Variants in GATB observed in about 807,000 individuals in gnomAD.
The protein encoded by GATB is glutamyl-tRNA(Gln) amidotransferase subunit B, mitochondrial.
A neutral mutation model predicts 62.3 loss-of-function variants in GATB; 39 were observed. The observed-to-expected ratio is 0.63, with a 90% CI of 0.48 to 0.82. The LOEUF is 0.82. Ranked by LOEUF, GATB falls within the 40% of genes least tolerant of loss-of-function variation. GATB has a pLI of 0.00. For missense variants in GATB, 670 were observed against 684.0 expected, an observed-to-expected ratio of 0.98 and a Z score of 0.23; for synonymous variants, 276 against 258.9, an observed-to-expected ratio of 1.07 and a Z score of -0.63.
intron 2 of GATB, 126 bp from the exon 3 acceptor site, chr4:151,719,664 G>A: frequency 1.8e-6 from 1 of 563,482 alleles, no homozygotes; most frequent in Non-Finnish European, 3.0e-6. Context: ...GGTTCTCTGG[G>A]TGGGCAGCTC....
Position 151,688,763 on chromosome 4 carries a change from T to C in GATB, c.1198A>G (p.Asn400Asp), listed in dbSNP as rs200981641. ...MLLEHSFTLLNEVGLLEFFQN... is the reference protein window; with the variant it reads ...MLLEHSFTLLDEVGLLEFFQN... ...AAGAACTCCAGTAGGCCGACTTCGT[T>C]CTGTTAAAAAAAAAAAAAGAAAATT... The change falls in exon 10 of 13, where the codon AAC (asparagine) becomes GAC (aspartate). Residue 400 changes from asparagine to aspartate, a missense_variant and splice_region_variant. By Grantham distance (23) the Asn-to-Asp change is conservative. Coordinates refer to ENST00000263985, the MANE Select transcript of GATB (RefSeq NM_004564.3). The C allele has an allele frequency of 4.8e-5, 74 of 1,527,646 alleles. No individual in the cohort carries two copies. The highest frequency in any genetic ancestry group is 1.2e-5 in the South Asian group (1 of 82,376). 94.6% of individuals were successfully genotyped at this position (1,527,646 alleles called of 1,614,324 possible).
chr4:151,732,042 CCGGG>C (rs1437227032), intron 2 of GATB, among the ~76,000 whole-genome samples: 12 of 108,918 alleles, frequency 1.1e-4, no homozygotes, highest in African/African-American at 6.1e-4. Flanking sequence ...GCCGCCCCGT[CCGGG>C]AGGGAGGTGG....
chr4:151,724,137 A>C (rs544610426), intron 2 of GATB: 1 of 152,340 alleles, frequency 6.6e-6, no homozygotes, highest in South Asian at 2.1e-4. Context: ...TTTAACATTT[A>C]TTTAGCTAAA....
intron 2 of GATB, among the ~76,000 whole-genome samples, chr4:151,748,988 T>A (rs1739659657): frequency 6.6e-6 from 1 of 152,118 alleles, no homozygotes; most frequent in Admixed American, 6.5e-5. Context: ...AGAATGGCGA[T>A]CATTAAAAAG....
chr4:151,756,896 A>G (rs866025726), intron 2 of GATB, among the ~76,000 whole-genome samples: 29 of 152,354 alleles, frequency 1.9e-4, no homozygotes, highest in East Asian at 7.7e-4. Context: ...GTGAACTGTA[A>G]TAAGTATGGC....
chr4:151,690,135 A>G (rs972679523), intron 9 of GATB, among the ~76,000 whole-genome samples: 10 of 152,214 alleles, frequency 6.6e-5, no homozygotes, highest in Non-Finnish European at 8.8e-5. Context: ...AAAAAATGAG[A>G]TACTGGAAAG....
intron 2 of GATB, among the ~76,000 whole-genome samples, chr4:151,751,243 C>A (rs899146361): frequency 6.6e-6 from 1 of 152,174 alleles, no homozygotes; most frequent in Non-Finnish European, 1.5e-5. Flanking sequence ...ACTTCACCAG[C>A]AGAAGGCTGA....
chr4:151,675,374 C>T (rs57556564), intron 11 of GATB: 16,832 of 152,510 alleles, frequency 0.11, 978 homozygotes, highest in African/African-American at 0.13. Flanking sequence ...ACAGTCGAGG[C>T]CCCCAGTCCC....
At chr4:151,677,201 TGGAC>T (rs1394039244) in intron 11 of GATB, 1 of 152,248 alleles carries the variant, frequency 6.6e-6, no homozygotes, top group African/African-American at 2.4e-5. Context: ...AAGCCATGCT[TGGAC>T]TCTTCTATTA....
At chr4:151,738,002 C>G (rs764472282) in intron 2 of GATB, among the ~76,000 whole-genome samples, 6 of 152,124 alleles carry the variant, frequency 3.9e-5, no homozygotes, top group Non-Finnish European at 5.9e-5. Context: ...AATGTGGAGT[C>G]AGAGCCCCCA....
intron 2 of GATB, among the ~76,000 whole-genome samples, chr4:151,752,367 A>G (rs1739737815): frequency 6.6e-6 from 1 of 152,114 alleles, no homozygotes; most frequent in Admixed American, 6.6e-5. Context: ...AAATTAATCC[A>G]CGTGTTTTGT....
chr4:151,707,721 C>A (rs1451522390), intron 6 of GATB, among the ~76,000 whole-genome samples: 5 of 152,154 alleles, frequency 3.3e-5, no homozygotes, highest in Non-Finnish European at 7.3e-5. Flanking sequence ...TAGGCAAGTG[C>A]ATGAAGAAAG....
At chr4:151,701,299 G>GGAT in intron 9 of GATB, 30 bp downstream of exon 9, 2 of 1,480,406 alleles carry the variant, frequency 1.4e-6, no homozygotes, top group Non-Finnish European at 1.8e-6. Flanking sequence ...TGCTGAGCCG[G>GGAT]GATCCTCTTG....
chr4:151,734,798 C>A (rs1036531783), intron 2 of GATB, among the ~76,000 whole-genome samples: 3 of 152,164 alleles, frequency 2.0e-5, no homozygotes, highest in Non-Finnish European at 4.4e-5. Flanking sequence ...GTCAACTGAT[C>A]TTCAACAAAG....
chr4:151,748,382 G>A (rs190889443), intron 2 of GATB, among the ~76,000 whole-genome samples: 1 of 152,274 alleles, frequency 6.6e-6, no homozygotes, highest in East Asian at 1.9e-4. Flanking sequence ...TCTGATCTTT[G>A]ACAAAACTGA....
intron 5 of GATB, among the ~76,000 whole-genome samples, chr4:151,711,246 C>G (rs1046394215): frequency 6.6e-6 from 1 of 152,196 alleles, no homozygotes; most frequent in East Asian, 1.9e-4. Context: ...ATCGGAAATC[C>G]ACTTCCCACA....
At chr4:151,707,761 T>C (rs1389932679) in intron 6 of GATB, among the ~76,000 whole-genome samples, 2 of 152,148 alleles carry the variant, frequency 1.3e-5, no homozygotes, top group Non-Finnish European at 2.9e-5. Flanking sequence ...CCAGCAGACA[T>C]CAGCATCAAG....
intron 2 of GATB, among the ~76,000 whole-genome samples, chr4:151,737,158 G>T (rs1175856608): frequency 6.6e-6 from 1 of 152,198 alleles, no homozygotes; most frequent in African/African-American, 2.4e-5. Flanking sequence ...AGAAAGTTTG[G>T]AACTTCTTAG....
chr4:151,758,666 G>GT (rs1739884262), intron 2 of GATB, 106 bp downstream of exon 2: 1 of 978,168 alleles, frequency 1.0e-6, no homozygotes, highest in African/African-American at 1.7e-5. Context: ...CCCTAAATAA[G>GT]TATTTCCAAA....
Sources: gnomAD v4.1 joint callset for allele counts (sites outside exome capture counted in the v4.1 genomes callset) on GRCh38, gnomAD v4.1.1 for gene constraint, MANE v1.5 for transcripts, NCBI Gene and HGNC (gene_info 2026-07-23, HGNC 2026-07-21) for gene names.